The following FRMD4B variants were observed in gnomAD, a reference collection of about 807,000 sequenced individuals.
The protein encoded by FRMD4B is FERM domain-containing protein 4B.
In FRMD4B, 74 loss-of-function variants were observed where a neutral mutation model predicts 141.5. The ratio of observed to expected loss-of-function variants is 0.52; its 90% CI spans 0.43 to 0.63. The LOEUF is 0.63. FRMD4B is among the 30% of genes least tolerant of loss of function. FRMD4B has a pLI of 0.00. For missense variants in FRMD4B, 1,366 were observed against 1,253.4 expected (o/e 1.09, Z -1.36); for synonymous variants, 506 against 467.9 (o/e 1.08, Z -1.05).
intron 17 of FRMD4B, among the ~76,000 whole-genome samples, chr3:69,190,792 C>T (rs374515529): frequency 2.0e-5 from 3 of 152,266 alleles, no homozygotes; most frequent in East Asian, 1.9e-4. Flanking sequence ...GGGAGATGTC[C>T]TGTGCATTAT....
chr3:69,332,012 A>C (rs939350755), intron 1 of FRMD4B, among the ~76,000 whole-genome samples: 1 of 152,122 alleles, frequency 6.6e-6, no homozygotes, highest in Non-Finnish European at 1.5e-5. Flanking sequence ...GCTTGAACCC[A>C]GGAGAGGGAG....
At chr3:69,513,724 C>T (rs1196203208) in intron 1 of FRMD4B, among the ~76,000 whole-genome samples, 1 of 151,590 alleles carries the variant, frequency 6.6e-6, no homozygotes. Context: ...TTCTGGAATA[C>T]AAAGATAGTT....
intron 1 of FRMD4B, among the ~76,000 whole-genome samples, chr3:69,367,517 AAAAAATATAT>A (rs1559832668): frequency 3.3e-5 from 1 of 30,228 alleles, no homozygotes; most frequent in Non-Finnish European, 1.4e-4. Context: ...GTTTTTACCC[AAAAAATATAT>A]CATTGACAAT....
At chr3:69,410,726 A>AATATAT (rs767608068) in intron 2 of FRMD4B, among the ~76,000 whole-genome samples, 193 of 85,992 alleles carry the variant, frequency 2.2e-3, no homozygotes, top group Non-Finnish European at 3.3e-3. Context: ...TAAATAAATA[A>AATATAT]ATATATATAT....
Position 69,507,275 on chromosome 3 carries a change from A to G in FRMD4B, c.-129+34931T>C, listed in dbSNP as rs114177082. Among the ~76,000 whole-genome samples, 1,305 of 152,270 alleles carry G rather than the reference A, an allele frequency of 8.6e-3. 21 individuals carry two copies. The highest frequency in any genetic ancestry group is 0.03 in the African/African-American group (1,231 of 41,552). ...TCAGTGAAAGGTCCATCTCTCTTCA[A>G]CCTTTGCCTCTAAAATTCTCTCTTA... On this transcript the variant is annotated intron_variant, in intron 1 of 5. Coordinates refer to the FRMD4B transcript ENST00000459638.
intron 1 of FRMD4B, among the ~76,000 whole-genome samples, chr3:69,329,219 TACTTAACTTTAGTAGG>T (rs1339468153): frequency 6.6e-6 from 1 of 152,204 alleles, no homozygotes. Context: ...AAGCCCAGCT[TACTTAACTTTAGTAGG>T]ACTTACTATT....
intron 22 of FRMD4B, among the ~76,000 whole-genome samples, chr3:69,176,036 T>G (rs1456461675): frequency 6.6e-6 from 1 of 152,094 alleles, no homozygotes. Context: ...CGCCTCGGCC[T>G]CCCAAAGTGC....
At chr3:69,268,869 C>T (rs2093581101) in intron 5 of FRMD4B, among the ~76,000 whole-genome samples, 1 of 151,748 alleles carries the variant, frequency 6.6e-6, no homozygotes, top group African/African-American at 2.4e-5. Flanking sequence ...AATATTTTCA[C>T]CAACATTCTT....
rs1407765837 is a variant in FRMD4B, at chr3:69,222,060, C to CT, written c.666-138dup. 6.4e-6 allele frequency: 4 copies of CT among 625,704 alleles called. No individual in the cohort carries two copies. The African/African-American group carries it at 7.3e-5, about 11-fold the overall frequency. 38.8% of individuals were successfully genotyped at this position (625,704 alleles called of 1,614,324 possible). A position where few individuals can be genotyped will look rare whatever the true frequency, so the allele number is the denominator to read the frequency against. On this transcript the variant is annotated intron_variant, in intron 8 of 22. Transcript: ENST00000398540. ...AACTTGTTTGGTAGATAGAGTTTGG[C>CT]TTTTGTTTCTGTAGGAGATGGATTC...
chr3:69,458,553 G>A (rs1269293033), intron 1 of FRMD4B, among the ~76,000 whole-genome samples: 1 of 152,042 alleles, frequency 6.6e-6, no homozygotes, highest in Non-Finnish European at 1.5e-5. Flanking sequence ...ACATTTGATG[G>A]GCTAATTAAC....
intron 5 of FRMD4B, among the ~76,000 whole-genome samples, chr3:69,262,751 C>T (rs1047915091): frequency 2.6e-5 from 4 of 151,466 alleles, no homozygotes; most frequent in South Asian, 2.1e-4. Context: ...TGAGCCACCG[C>T]GCCCGGTCCA....
At chr3:69,409,974 T>C (rs116051719) in intron 2 of FRMD4B, among the ~76,000 whole-genome samples, 604 of 152,168 alleles carry the variant, frequency 4.0e-3, no homozygotes, top group African/African-American at 0.014. Flanking sequence ...AAATGGGGTT[T>C]CTCCTGGTCA....
chr3:69,387,464 G>C (rs1304682786), upstream of FRMD4B, among the ~76,000 whole-genome samples: 1 of 152,164 alleles, frequency 6.6e-6, no homozygotes, highest in Admixed American at 6.5e-5. Context: ...CAAAAGTGCT[G>C]TAGCAAATTT....
At chr3:69,212,729 T>C (rs564233822) in intron 11 of FRMD4B, among the ~76,000 whole-genome samples, 88 of 152,362 alleles carry the variant, frequency 5.8e-4, no homozygotes, top group African/African-American at 1.9e-3. Context: ...ATTTACATTC[T>C]GCTGGAAGCT....
chr3:69,206,577 G>A (rs1205950824), intron 11 of FRMD4B, among the ~76,000 whole-genome samples: 3 of 152,148 alleles, frequency 2.0e-5, no homozygotes, highest in Non-Finnish European at 2.9e-5. Flanking sequence ...TCTCGTTAGC[G>A]TGCTCACTGA....
intron 18 of FRMD4B, 51 bp downstream of exon 18, chr3:69,189,845 T>G: frequency 9.2e-7 from 1 of 1,090,436 alleles, no homozygotes; most frequent in Non-Finnish European, 1.4e-6. Context: ...ATTATCTTAA[T>G]TATTTCAGAA....
In FRMD4B at chr3:69,185,911, G is replaced by A. The variant is rs550150853; in HGVS notation, c.1919+1859C>T. 5.3e-5 allele frequency among the ~76,000 whole-genome samples: 8 copies of A among 151,704 alleles called. No individual in the cohort carries two copies. In the East Asian group the frequency reaches 5.8e-4, roughly 11 times the overall value. ...ACAAAAACTTGCCGGGTGTGGTGGCGGGCATCTGTAGTCCCAGCTACTTGG... is the reference window on the plus strand; with the variant it reads ...ACAAAAACTTGCCGGGTGTGGTGGCAGGCATCTGTAGTCCCAGCTACTTGG... On this transcript the variant is annotated intron_variant, in intron 19 of 22. Transcript: ENST00000398540.
chr3:69,301,188 C>A (rs1352977397), intron 4 of FRMD4B, among the ~76,000 whole-genome samples: 1 of 152,140 alleles, frequency 6.6e-6, no homozygotes, highest in East Asian at 1.9e-4. Context: ...AGAAGGGGAG[C>A]AAAGTTTATC....
intron 1 of FRMD4B, among the ~76,000 whole-genome samples, chr3:69,482,584 C>G (rs10510978): frequency 0.11 from 16,678 of 152,300 alleles, 1,016 homozygotes; most frequent in South Asian, 0.19. Flanking sequence ...CTTAAAAGAG[C>G]ATGTTTCATG....
Sources: gnomAD v4.1 joint callset for allele counts (sites outside exome capture counted in the v4.1 genomes callset) on GRCh38, gnomAD v4.1.1 for gene constraint, MANE v1.5 for transcripts, NCBI Gene and HGNC (gene_info 2026-07-23, HGNC 2026-07-21) for gene names.